Variants in KIAA0232 observed in about 807,000 individuals in gnomAD.
KIAA0232 encodes the protein uncharacterized protein KIAA0232.
In KIAA0232, 27 loss-of-function variants were observed where a neutral mutation model predicts 122.0. The observed-to-expected ratio is 0.22, with a 90% CI of 0.16 to 0.31. The LOEUF (loss-of-function observed/expected upper bound fraction) is 0.31, where lower values mean the gene tolerates loss of function less well. Among genes scored for constraint, KIAA0232 ranks in the 10% least tolerant of loss-of-function variants. The probability of loss-of-function intolerance (pLI) is 1.00; values close to 1 mark genes in which losing one functional copy is unlikely to be tolerated. For synonymous variants in KIAA0232, 613 were observed against 587.6 expected (o/e 1.04, Z -0.63); for missense variants, 1,551 against 1,634.2 (o/e 0.95, Z 0.88).
Position 6,824,471 on chromosome 4 carries a change from A to T in KIAA0232, c.18A>T (p.Thr6=). MYPIC[T]VVVDGLPSES... ...CTAAATTCATGTACCCTATCTGTACAGTTGTTGTGGATGGTTTGCCATCTG... is the reference window on the plus strand; with the variant it reads ...CTAAATTCATGTACCCTATCTGTACTGTTGTTGTGGATGGTTTGCCATCTG... Residue 6 remains threonine (T), a synonymous_variant, in exon 3 of 10, where the codon ACA becomes ACT. Transcript: ENST00000307659. The T allele has an allele frequency of 6.2e-7, 1 of 1,614,098 alleles. No individual in the cohort carries two copies. The highest frequency in any genetic ancestry group is 8.5e-7 in the Non-Finnish European group (1 of 1,179,934).
intron 8 of KIAA0232, among the ~76,000 whole-genome samples, chr4:6,874,320 C>T: frequency 6.6e-6 from 1 of 152,346 alleles, no homozygotes; most frequent in East Asian, 1.9e-4. Context: ...CTGGGGCTGC[C>T]TGCAGGGAGA....
chr4:6,838,441 T>C (rs149733688), intron 3 of KIAA0232, among the ~76,000 whole-genome samples: 1 of 152,144 alleles, frequency 6.6e-6, no homozygotes, highest in Non-Finnish European at 1.5e-5. Context: ...TGCCCACCTC[T>C]GCCTCCCAAA....
chr4:6,795,700 C>G (rs1403065066), intron 1 of KIAA0232, among the ~76,000 whole-genome samples: 1 of 152,172 alleles, frequency 6.6e-6, no homozygotes, highest in Non-Finnish European at 1.5e-5. Context: ...TCAAGTAGTC[C>G]TCCCATTTCA....
In KIAA0232 at chr4:6,863,819, A is replaced by G; in HGVS notation, c.3437A>G (p.Asp1146Gly). 20 of 1,614,196 alleles carry G rather than the reference A, an allele frequency of 1.2e-5. No homozygotes were observed. The highest frequency in any genetic ancestry group is 1.7e-5 in the Non-Finnish European group (20 of 1,180,028). Residue 1146 changes from aspartate (D) to glycine (G), a missense_variant, in exon 7 of 10, where the codon GAT (aspartate) becomes GGT (glycine). Asp to Gly is a moderately conservative substitution (Grantham distance 94). Coordinates refer to ENST00000307659, the MANE Select transcript of KIAA0232 (RefSeq NM_014743.3). ...CCTTCTCAAGTTGATATATTTGAAG[A>G]TCCGCAGGCAGATCTCAAACCTTTG... ...PIPSQVDIFE[D>G]PQADLKPLEE...
rs760447432 is a variant in KIAA0232 at position 6,862,596 on chromosome 4, T to C, written c.2214T>C (p.Asn738=). ...NIQFEESTQF[N]AEDINYVVPR... ...AGTTTGAAGAATCCACACAGTTTAA[T>C]GCCGAAGATATTAATTATGTAGTTC... The change falls in exon 7 of 10, where the codon AAT becomes AAC. Residue 738 remains asparagine (N), a synonymous_variant. Transcript: ENST00000307659. The C allele has an allele frequency of 1.2e-6, 2 of 1,613,970 alleles. No homozygotes were observed. The highest frequency in any genetic ancestry group is 3.3e-5 in the Admixed American group (2 of 59,994).
chr4:6,818,381 C>G (rs1718238733), intron 2 of KIAA0232, among the ~76,000 whole-genome samples: 1 of 134,382 alleles, frequency 7.4e-6, no homozygotes, highest in Non-Finnish European at 1.5e-5. Flanking sequence ...GCCTGGGCAA[C>G]AGAGCAAGAC....
At position 6,818,805 on chromosome 4, in the gene KIAA0232, C is replaced by T. The variant is rs569650561; in HGVS notation, c.-269-5380C>T. Among the ~76,000 whole-genome samples, 8 of 151,810 alleles carry T rather than the reference C, an allele frequency of 5.3e-5. No homozygotes were observed. In the South Asian group the frequency reaches 6.3e-4, roughly 12 times the overall value. ...GCAAAAAGAACAAAACTAGTGGTTT[C>T]GTGTTACCTGACTTCAAACTATACT... On this transcript the variant is annotated intron_variant, in intron 2 of 9. Coordinates refer to ENST00000307659, the MANE Select transcript of KIAA0232 (RefSeq NM_014743.3).
In KIAA0232 at chr4:6,855,406, A is replaced by G. The variant is rs775375085; in HGVS notation, c.370-1758A>G. ...CCCAGCTGATTTTTTAAAAAAATAT[A>G]TAAGATGCTACAGGTAGTCAAGAAA... On this transcript the variant is annotated intron_variant, in intron 4 of 9. Coordinates refer to ENST00000307659, the MANE Select transcript of KIAA0232 (RefSeq NM_014743.3). The surrounding 1 kb of genome is among the most constrained non-coding windows in gnomAD (Gnocchi z 4.3). Among the ~76,000 whole-genome samples, 3 of 152,152 alleles carry G rather than the reference A, an allele frequency of 2.0e-5. No individual in the cohort carries two copies. The highest frequency in any genetic ancestry group is 4.8e-5 in the African/African-American group (2 of 41,420).
chr4:6,877,615 G>A (rs141605861), intron 9 of KIAA0232, among the ~76,000 whole-genome samples: 63 of 152,252 alleles, frequency 4.1e-4, no homozygotes, highest in African/African-American at 1.4e-3. Flanking sequence ...CTTGGAGTCC[G>A]ATGTTCGAGG....
chr4:6,872,091 T>C (rs1359736390), intron 8 of KIAA0232, among the ~76,000 whole-genome samples: 1 of 152,188 alleles, frequency 6.6e-6, no homozygotes. Flanking sequence ...GGCAGGAGCC[T>C]GTCAGAAGGT....
chr4:6,816,918 C>T (rs1718157072), intron 2 of KIAA0232, among the ~76,000 whole-genome samples: 2 of 152,004 alleles, frequency 1.3e-5, no homozygotes, highest in African/African-American at 4.8e-5. Flanking sequence ...CATTTTTATA[C>T]CTATAGAATC....
At chr4:6,803,730 A>T (rs1717490701) in intron 1 of KIAA0232, among the ~76,000 whole-genome samples, 1 of 152,122 alleles carries the variant, frequency 6.6e-6, no homozygotes, top group Admixed American at 6.6e-5. Context: ...TTTTATGTTT[A>T]ATGTTTGGAT....
intron 3 of KIAA0232, among the ~76,000 whole-genome samples, chr4:6,841,829 C>G (rs1237292795): frequency 6.6e-6 from 1 of 152,162 alleles, no homozygotes; most frequent in Admixed American, 6.5e-5. Flanking sequence ...GAAAACATCC[C>G]ATGTTTGTGA....
At chr4:6,825,393 T>C (rs2109038795) in intron 3 of KIAA0232, among the ~76,000 whole-genome samples, 1 of 152,068 alleles carries the variant, frequency 6.6e-6, no homozygotes, top group East Asian at 1.9e-4. Flanking sequence ...ACAAAAAGTA[T>C]TAAAAAATTA....
At chr4:6,791,383 T>A (rs191925244) in intron 1 of KIAA0232, among the ~76,000 whole-genome samples, 10 of 136,640 alleles carry the variant, frequency 7.3e-5, no homozygotes, top group Non-Finnish European at 1.2e-4. Flanking sequence ...TAGAGTGCAG[T>A]GGCACAATTA....
intron 4 of KIAA0232, among the ~76,000 whole-genome samples, chr4:6,852,633 T>C (rs752231426): frequency 1.3e-5 from 2 of 152,214 alleles, no homozygotes; most frequent in Non-Finnish European, 2.9e-5. Flanking sequence ...CTTCAGTTAT[T>C]GCTACATGAC....
intron 6 of KIAA0232, among the ~76,000 whole-genome samples, chr4:6,859,195 G>C (rs1720728036): frequency 6.6e-6 from 1 of 151,634 alleles, no homozygotes; most frequent in Admixed American, 6.6e-5. Context: ...ACTGCAGAGG[G>C]AACATAGGCA....
At chr4:6,789,156 A>G (rs1183439513) in intron 1 of KIAA0232, among the ~76,000 whole-genome samples, 2 of 151,818 alleles carry the variant, frequency 1.3e-5, no homozygotes, top group Non-Finnish European at 2.9e-5. Flanking sequence ...TATTTTTAGT[A>G]GAGACTGGGT....
At chr4:6,870,033 C>A (rs974730613) in intron 7 of KIAA0232, among the ~76,000 whole-genome samples, 1 of 152,190 alleles carries the variant, frequency 6.6e-6, no homozygotes, top group Non-Finnish European at 1.5e-5. Context: ...GGGGCAGGCT[C>A]ACTCTCTCAG....
Sources: gnomAD v4.1 joint callset for allele counts (sites outside exome capture counted in the v4.1 genomes callset) on GRCh38, gnomAD v4.1.1 for gene constraint, Gnocchi (gnomAD v3.1) non-coding constraint, MANE v1.5 for transcripts, NCBI Gene and HGNC (gene_info 2026-07-23, HGNC 2026-07-21) for gene names.